VWC2L: variants seen among roughly 807,000 people sequenced by gnomAD.
The protein encoded by VWC2L is von Willebrand factor C domain-containing protein 2-like.
A neutral mutation model predicts 21.6 loss-of-function variants in VWC2L; 10 were observed. That is an observed-to-expected ratio of 0.46 (90% confidence interval 0.29 to 0.78). VWC2L has a LOEUF of 0.78. Ranked by LOEUF, VWC2L falls within the 30% of genes least tolerant of loss-of-function variation. VWC2L has a pLI of 0.10. For missense variants in VWC2L, 209 were observed against 277.1 expected, an observed-to-expected ratio of 0.75 and a Z score of 1.74; for synonymous variants, 96 against 94.3, an observed-to-expected ratio of 1.02 and a Z score of -0.10.
chr2:214,501,477 T>C (rs1200635299), intron 3 of VWC2L, among the ~76,000 whole-genome samples: 3 of 151,910 alleles, frequency 2.0e-5, no homozygotes, highest in Non-Finnish European at 4.4e-5. Context: ...AATCCCAGCA[T>C]TTTGGGAGTC....
At chr2:214,533,549 G>T (rs201737025) in intron 3 of VWC2L, among the ~76,000 whole-genome samples, 3 of 141,672 alleles carry the variant, frequency 2.1e-5, no homozygotes, top group African/African-American at 7.8e-5. Context: ...AGGGGAAAAA[G>T]AAAAAAAAAA....
Position 214,575,966 on chromosome 2 carries a change from T to C in VWC2L, c.*146T>C. 2.3e-6 allele frequency: 2 copies of C among 861,008 alleles called. No homozygotes were observed. Among genetic ancestry groups the C allele is most frequent in the South Asian group, 2.3e-5 (1 of 43,854 alleles). 53.3% of individuals were successfully genotyped at this position (861,008 alleles called of 1,614,324 possible). On this transcript the variant is annotated 3_prime_UTR_variant, in exon 4 of 4. Coordinates refer to ENST00000312504, the MANE Select transcript of VWC2L (RefSeq NM_001080500.4). The stretch of plus-strand genomic sequence containing the variant: ...ACTTTCTAGGGTTGACAAAAGTGAA[T>C]ATTTTCCTAAGAGGAAATTTCTTTC...
intron 3 of VWC2L, among the ~76,000 whole-genome samples, chr2:214,551,648 A>G (rs1689796649): frequency 1.3e-5 from 2 of 152,210 alleles, no homozygotes; most frequent in African/African-American, 4.8e-5. Flanking sequence ...TCTCTTTCCA[A>G]CTTAAAACCT....
At chr2:214,440,626 A>G (rs1344181355) in intron 3 of VWC2L, among the ~76,000 whole-genome samples, 1 of 152,108 alleles carries the variant, frequency 6.6e-6, no homozygotes, top group Non-Finnish European at 1.5e-5. Context: ...CTATATGTAT[A>G]TATTTTATAT....
intron 3 of VWC2L, among the ~76,000 whole-genome samples, chr2:214,496,973 T>C (rs955914039): frequency 1.3e-5 from 2 of 152,202 alleles, no homozygotes; most frequent in Non-Finnish European, 2.9e-5. Flanking sequence ...TGTTTAACTA[T>C]GTTAAGTGTA....
intron 3 of VWC2L, among the ~76,000 whole-genome samples, chr2:214,442,690 AT>A (rs1168923007): frequency 6.6e-6 from 1 of 152,028 alleles, no homozygotes. Context: ...TGAAGAAAAA[AT>A]AATCCTAATT....
chr2:214,467,589 T>C (rs900776484), intron 3 of VWC2L, among the ~76,000 whole-genome samples: 4 of 152,216 alleles, frequency 2.6e-5, no homozygotes, highest in African/African-American at 9.6e-5. Context: ...TTGATTTTTT[T>C]ATGGTTTCTA....
intron 3 of VWC2L, among the ~76,000 whole-genome samples, chr2:214,454,898 G>A (rs1437006483): frequency 3.3e-5 from 5 of 151,956 alleles, no homozygotes; most frequent in African/African-American, 7.3e-5. Context: ...CACCGTACCC[G>A]GGCTAAGTCA....
intron 3 of VWC2L, among the ~76,000 whole-genome samples, chr2:214,482,865 G>T (rs1007332628): frequency 1.4e-4 from 21 of 151,940 alleles, no homozygotes; most frequent in Admixed American, 1.3e-4. Flanking sequence ...AAGACCTATT[G>T]TCCTGGATTC....
At chr2:214,565,243 C>T (rs1690044537) in intron 3 of VWC2L, among the ~76,000 whole-genome samples, 1 of 152,176 alleles carries the variant, frequency 6.6e-6, no homozygotes, top group African/African-American at 2.4e-5. Flanking sequence ...AACCACTCTA[C>T]ATAAATAGAT....
At chr2:214,481,047 A>G (rs1267503678) in intron 3 of VWC2L, among the ~76,000 whole-genome samples, 1 of 152,140 alleles carries the variant, frequency 6.6e-6, no homozygotes, top group East Asian at 1.9e-4. Flanking sequence ...GGGGCAGAGA[A>G]ATGCAAACCT....
intron 3 of VWC2L, among the ~76,000 whole-genome samples, chr2:214,537,045 C>A (rs1401155996): frequency 1.3e-5 from 2 of 151,432 alleles, no homozygotes; most frequent in Admixed American, 1.3e-4. Flanking sequence ...CTTTTAATTA[C>A]CTCGGGGCTC....
At chr2:214,438,419 C>A (rs1376459149) in intron 3 of VWC2L, among the ~76,000 whole-genome samples, 1 of 151,792 alleles carries the variant, frequency 6.6e-6, no homozygotes, top group Non-Finnish European at 1.5e-5. Context: ...CCCCTGGAAG[C>A]AACTGTCTAA....
chr2:214,481,462 T>C (rs1219640902), intron 3 of VWC2L, among the ~76,000 whole-genome samples: 1 of 152,170 alleles, frequency 6.6e-6, no homozygotes, highest in Non-Finnish European at 1.5e-5. Flanking sequence ...CTGAGCTCTT[T>C]AGGTCTGAGC....
chr2:214,520,567 C>T (rs1170897500), intron 3 of VWC2L, among the ~76,000 whole-genome samples: 1 of 152,142 alleles, frequency 6.6e-6, no homozygotes, highest in Non-Finnish European at 1.5e-5. Context: ...AATTCTAATG[C>T]TCTTGAACAA....
intron 3 of VWC2L, among the ~76,000 whole-genome samples, chr2:214,470,916 CAAAAAAAAAAAAA>C (rs56041924): frequency 2.0e-5 from 1 of 50,794 alleles, no homozygotes; most frequent in Admixed American, 3.6e-4. Flanking sequence ...AACTCCATCT[CAAAAAAAAAAAAA>C]AAAAAAAAAA....
chr2:214,505,002 A>G (rs1688947923), intron 3 of VWC2L, among the ~76,000 whole-genome samples: 1 of 152,214 alleles, frequency 6.6e-6, no homozygotes, highest in African/African-American at 2.4e-5. Flanking sequence ...AATTAGTTCA[A>G]TTGAAGATGT....
chr2:214,467,005 A>C (rs138981885), intron 3 of VWC2L, among the ~76,000 whole-genome samples: 1 of 152,262 alleles, frequency 6.6e-6, no homozygotes, highest in African/African-American at 2.4e-5. Flanking sequence ...AGTGCTGGAC[A>C]TGTTTTCTAT....
chr2:214,546,575 A>T (rs1002374275), intron 3 of VWC2L, among the ~76,000 whole-genome samples: 1 of 152,306 alleles, frequency 6.6e-6, no homozygotes, highest in Non-Finnish European at 1.5e-5. Context: ...AACCGGGCAA[A>T]TTATTGTAAA....
Sources: allele counts gnomAD v4.1 joint callset (sites outside exome capture counted in the v4.1 genomes callset), GRCh38; gene constraint gnomAD v4.1.1; transcripts MANE v1.5; gene names NCBI Gene and HGNC (gene_info 2026-07-23, HGNC 2026-07-21).